Variants in HNF4A observed in about 807,000 individuals in gnomAD.
The protein encoded by HNF4A is hepatocyte nuclear factor 4-alpha.
HNF4A carries 15 observed loss-of-function variants against 52.4 expected under a neutral mutation model. That is an observed-to-expected ratio of 0.29 (90% confidence interval 0.19 to 0.44). HNF4A has a LOEUF of 0.44. Ranked by LOEUF, HNF4A falls within the 20% of genes least tolerant of loss-of-function variation. The pLI is 1.00. For synonymous variants in HNF4A, 280 were observed against 264.4 expected, an observed-to-expected ratio of 1.06 and a Z score of -0.57; for missense variants, 479 against 647.2, an observed-to-expected ratio of 0.74 and a Z score of 2.82.
At position 44,428,427 on chromosome 20, in the gene HNF4A, A is replaced by G. The variant is rs530264224; in HGVS notation, c.1222A>G (p.Met408Val). 1.7e-5 allele frequency: 28 copies of G among 1,614,108 alleles called. No individual in the cohort carries two copies. In the South Asian group the frequency reaches 2.7e-4, roughly 16 times the overall value. Reference sequence around the variant, plus strand: ...AACCAACGTCATCGTTGCCAACACAATGCCCACTCACCTCAGCAACGGACA... The same window carrying G: ...AACCAACGTCATCGTTGCCAACACAGTGCCCACTCACCTCAGCAACGGACA... The change falls in exon 9 of 10, where the codon ATG becomes GTG. Residue 408 changes from methionine (M) to valine (V), a missense_variant. Around this residue, in one of 3 missense-constraint regions of HNF4A, gnomAD observed 389 missense variants for 525.1 expected, o/e 0.74. Coordinates refer to ENST00000316099, the MANE Select transcript of HNF4A (RefSeq NM_000457.6).
chr20:44,394,456 T>C (rs1175904462), intron 1 of HNF4A, among the ~76,000 whole-genome samples: 2 of 152,144 alleles, frequency 1.3e-5, no homozygotes, highest in Admixed American at 6.5e-5. Context: ...TGTGGATGCA[T>C]ACCCTTGGCT....
chr20:44,376,279 A>G (rs994371143), intron 1 of HNF4A, among the ~76,000 whole-genome samples: 5 of 152,100 alleles, frequency 3.3e-5, no homozygotes, highest in Non-Finnish European at 7.4e-5. Flanking sequence ...AAAAAAATAT[A>G]TATATAGATT....
chr20:44,379,826 C>T (rs1298593950), intron 1 of HNF4A, among the ~76,000 whole-genome samples: 1 of 150,956 alleles, frequency 6.6e-6, no homozygotes, highest in African/African-American at 2.4e-5. Context: ...CTCTGCCTCC[C>T]AGGTTCAAGC....
chr20:44,361,888 A>G (rs568421976), intron 1 of HNF4A, among the ~76,000 whole-genome samples: 12 of 152,230 alleles, frequency 7.9e-5, no homozygotes, highest in African/African-American at 2.2e-4. Context: ...ACCTTGGAGG[A>G]GTAGACTGAT....
intron 5 of HNF4A, among the ~76,000 whole-genome samples, chr20:44,415,735 C>G (rs933866825): frequency 1.3e-5 from 2 of 152,228 alleles, no homozygotes; most frequent in Non-Finnish European, 2.9e-5. Flanking sequence ...CAAGATTCTC[C>G]TGGAACACCT....
rs546252382 is a variant in HNF4A at position 44,355,761 on chromosome 20, C to T, written c.-44C>T. On this transcript the variant is annotated 5_prime_UTR_variant, in exon 1 of 10. Transcript: ENST00000316673. ...CTGTGCTGCTGCTGTGAGCGGGCCCCTGCTCCTCCATGCCCCCAGCTCTCC... is the reference window on the plus strand; with the variant it reads ...CTGTGCTGCTGCTGTGAGCGGGCCCTTGCTCCTCCATGCCCCCAGCTCTCC... 194 of 1,601,216 alleles carry T rather than the reference C, an allele frequency of 1.2e-4. 4 individuals carry two copies. In the South Asian group the frequency reaches 1.6e-3, roughly 13 times the overall value.
intron 1 of HNF4A, among the ~76,000 whole-genome samples, chr20:44,370,909 G>T (rs549850838): frequency 2.6e-5 from 4 of 152,180 alleles, no homozygotes; most frequent in Non-Finnish European, 5.9e-5. Context: ...AACTGCCAAC[G>T]CCTCTGTATT....
At chr20:44,433,849 G>C (rs1249715323), downstream of HNF4A, 1 of 152,228 alleles carries the variant, frequency 6.6e-6, no homozygotes, top group African/African-American at 2.4e-5. Context: ...GGTTGTGCTG[G>C]AGCTGGCTTG....
chr20:44,419,414 T>G (rs2063712627), intron 6 of HNF4A, among the ~76,000 whole-genome samples: 1 of 152,238 alleles, frequency 6.6e-6, no homozygotes, highest in Non-Finnish European at 1.5e-5. Flanking sequence ...TCCTTTAACC[T>G]TGATGCTTTG....
At chr20:44,402,420 C>A in intron 1 of HNF4A, 1 of 413,318 alleles carries the variant, frequency 2.4e-6, no homozygotes, top group Non-Finnish European at 4.8e-6. Flanking sequence ...TGTATATATG[C>A]AGTTCCCTGT....
chr20:44,402,689 G>A, intron 1 of HNF4A: 2 of 1,192,682 alleles, frequency 1.7e-6, no homozygotes, highest in Middle Eastern at 3.4e-4. Flanking sequence ...GGAGGGAAGA[G>A]CCCCATCGGT....
chr20:44,358,430 CAAAACCCCGTCTCTACTAAAAATACA>C (rs2062882261), intron 1 of HNF4A, among the ~76,000 whole-genome samples: 1 of 151,700 alleles, frequency 6.6e-6, no homozygotes, highest in African/African-American at 2.4e-5. Flanking sequence ...GCCAACATGG[CAAAACCCCGTCTCTACTAAAAATACA>C]AAAACTAGCC....
chr20:44,398,545 G>A (rs1049484263), upstream of HNF4A, among the ~76,000 whole-genome samples: 1 of 152,232 alleles, frequency 6.6e-6, no homozygotes, highest in African/African-American at 2.4e-5. Flanking sequence ...CGTTGGCTAA[G>A]GGTGGAATGA....
intron 7 of HNF4A, among the ~76,000 whole-genome samples, chr20:44,420,081 CA>C (rs1480899104): frequency 6.6e-6 from 1 of 152,166 alleles, no homozygotes; most frequent in Non-Finnish European, 1.5e-5. Flanking sequence ...CCTGTAATCC[CA>C]GCACTTTGGG....
At chr20:44,394,836 A>T (rs1372250818) in intron 1 of HNF4A, among the ~76,000 whole-genome samples, 1 of 152,172 alleles carries the variant, frequency 6.6e-6, no homozygotes, top group Non-Finnish European at 1.5e-5. Context: ...ATGCCCAGTT[A>T]ATTTTTTAAG....
Position 44,429,760 on chromosome 20 carries a change from C to T in HNF4A, c.*95C>T, listed in dbSNP as rs1217044055. The T allele has an allele frequency of 2.3e-6, 3 of 1,282,528 alleles. No homozygotes were observed. The highest frequency in any genetic ancestry group is 1.5e-5 in the African/African-American group (1 of 68,244). 79.4% of individuals were successfully genotyped at this position (1,282,528 alleles called of 1,614,324 possible). On this transcript the variant is annotated 3_prime_UTR_variant, in exon 10 of 10. Coordinates refer to ENST00000316099, the MANE Select transcript of HNF4A (RefSeq NM_000457.6). ...GGTCACGGCAAAGGAAGACGTGATGCCAGGACCAGTCCCAGAGCAGGAATG... is the reference window on the plus strand; with the variant it reads ...GGTCACGGCAAAGGAAGACGTGATGTCAGGACCAGTCCCAGAGCAGGAATG...
chr20:44,413,858 C>G, intron 4 of HNF4A, 58 bp downstream of exon 4: 1 of 1,114,946 alleles, frequency 9.0e-7, no homozygotes, highest in Non-Finnish European at 1.3e-6. Context: ...AGGAGCTCAC[C>G]TCCTCCACCT....
intron 8 of HNF4A, among the ~76,000 whole-genome samples, chr20:44,425,631 A>G (rs1260364868): frequency 6.7e-6 from 1 of 149,696 alleles, no homozygotes; most frequent in Non-Finnish European, 1.5e-5. Flanking sequence ...TCAGAGATCC[A>G]TTGTGGACCC....
chr20:44,395,216 G>A (rs1316519204), intron 1 of HNF4A, among the ~76,000 whole-genome samples: 2 of 152,240 alleles, frequency 1.3e-5, no homozygotes, highest in African/African-American at 2.4e-5. Flanking sequence ...CTGAGGCTCC[G>A]TGAGGGGCCC....
Sources: gnomAD v4.1 joint callset for allele counts (sites outside exome capture counted in the v4.1 genomes callset) on GRCh38, gnomAD v4.1.1 for gene constraint, gnomAD v4.1.1 regional missense constraint, MANE v1.5 for transcripts, NCBI Gene and HGNC (gene_info 2026-07-23, HGNC 2026-07-21) for gene names.